The following GALNT2 variants were observed in gnomAD, a reference collection of about 807,000 sequenced individuals.
GALNT2 encodes polypeptide N-acetylgalactosaminyltransferase 2.
Under a neutral mutation model 81.4 loss-of-function variants are expected in GALNT2, and 31 were observed. The observed-to-expected ratio is 0.38, with a 90% CI of 0.29 to 0.51. GALNT2 has a LOEUF of 0.51. Ranked by LOEUF, GALNT2 falls within the 20% of genes least tolerant of loss-of-function variation. The probability of loss-of-function intolerance (pLI) is 0.87; values close to 1 mark genes in which losing one functional copy is unlikely to be tolerated. For missense variants in GALNT2, 629 were observed against 765.7 expected, an observed-to-expected ratio of 0.82 and a Z score of 2.11; for synonymous variants, 303 against 287.4, an observed-to-expected ratio of 1.05 and a Z score of -0.55.
intron 3 of GALNT2, among the ~76,000 whole-genome samples, chr1:230,204,676 T>A (rs1245279216): frequency 2.6e-5 from 4 of 152,194 alleles, no homozygotes; most frequent in Non-Finnish European, 4.4e-5. Context: ...TCTCAGTGAA[T>A]TAGTCTTGTT....
intron 1 of GALNT2, among the ~76,000 whole-genome samples, chr1:230,111,418 A>G (rs925478862): frequency 2.0e-5 from 3 of 152,222 alleles, no homozygotes; most frequent in African/African-American, 7.2e-5. Flanking sequence ...ACAAACACAC[A>G]TGTGTATTTA....
intron 14 of GALNT2, among the ~76,000 whole-genome samples, chr1:230,272,184 A>G (rs1666175632): frequency 6.6e-6 from 1 of 152,192 alleles, no homozygotes; most frequent in Non-Finnish European, 1.5e-5. Flanking sequence ...GTCCTAGAGT[A>G]TGGGTGACGT....
At chr1:230,077,530 G>A (rs867011414) in intron 1 of GALNT2, among the ~76,000 whole-genome samples, 1 of 152,276 alleles carries the variant, frequency 6.6e-6, no homozygotes, top group South Asian at 2.1e-4. Flanking sequence ...CTTATTGAAA[G>A]AGCTCTTTCA....
At chr1:230,136,892 T>G (rs1661566239) in intron 1 of GALNT2, among the ~76,000 whole-genome samples, 1 of 152,178 alleles carries the variant, frequency 6.6e-6, no homozygotes, top group African/African-American at 2.4e-5. Flanking sequence ...TGCATTTTGC[T>G]TTTCCCGCAG....
At chr1:230,118,824 A>G (rs1393345316) in intron 1 of GALNT2, among the ~76,000 whole-genome samples, 2 of 152,150 alleles carry the variant, frequency 1.3e-5, no homozygotes, top group Non-Finnish European at 2.9e-5. Flanking sequence ...CAATTAAAAA[A>G]AGTTATTATA....
At chr1:230,233,562 G>A (rs564478464) in intron 3 of GALNT2, among the ~76,000 whole-genome samples, 22 of 152,256 alleles carry the variant, frequency 1.4e-4, no homozygotes, top group African/African-American at 4.1e-4. Context: ...GCAATGATCC[G>A]AGATTGTGCC....
At chr1:230,146,482 C>T (rs772866285) in intron 1 of GALNT2, among the ~76,000 whole-genome samples, 10 of 152,124 alleles carry the variant, frequency 6.6e-5, no homozygotes, top group Admixed American at 1.3e-4. Context: ...CTTCCTGACC[C>T]GGTTGGAGTG....
intron 1 of GALNT2, among the ~76,000 whole-genome samples, chr1:230,084,046 T>TA (rs1332406608): frequency 1.3e-5 from 2 of 152,208 alleles, no homozygotes; most frequent in African/African-American, 4.8e-5. Context: ...TCCCCCTTTG[T>TA]ATGTCACTTT....
At chr1:230,254,737 A>G (rs535855624) in intron 10 of GALNT2, among the ~76,000 whole-genome samples, 1 of 152,330 alleles carries the variant, frequency 6.6e-6, no homozygotes, top group East Asian at 1.9e-4. Flanking sequence ...ATAAAGCTTA[A>G]TTGTACATAT....
At chr1:230,121,457 T>A (rs1661013197) in intron 1 of GALNT2, among the ~76,000 whole-genome samples, 1 of 152,204 alleles carries the variant, frequency 6.6e-6, no homozygotes, top group Non-Finnish European at 1.5e-5. Flanking sequence ...TCTGTCTCCA[T>A]CCTGGTTGCA....
At chr1:230,221,771 A>G (rs1446597272) in intron 3 of GALNT2, among the ~76,000 whole-genome samples, 3 of 152,096 alleles carry the variant, frequency 2.0e-5, no homozygotes, top group African/African-American at 4.8e-5. Context: ...GAATATTGAC[A>G]TGTGTTCAGT....
intron 1 of GALNT2, among the ~76,000 whole-genome samples, chr1:230,160,152 G>C (rs1334844372): frequency 6.6e-6 from 1 of 152,086 alleles, no homozygotes; most frequent in African/African-American, 2.4e-5. Context: ...CCAACCCATT[G>C]TCTCTGTCAT....
intron 2 of GALNT2, among the ~76,000 whole-genome samples, chr1:230,185,166 A>G (rs747049707): frequency 6.6e-6 from 1 of 152,072 alleles, no homozygotes; most frequent in Non-Finnish European, 1.5e-5. Context: ...AGTCCCTAGC[A>G]TATTAATTAT....
intron 14 of GALNT2, among the ~76,000 whole-genome samples, chr1:230,272,065 C>T (rs370380885): frequency 4.6e-5 from 7 of 152,316 alleles, no homozygotes; most frequent in African/African-American, 1.7e-4. Context: ...AGACCAAACA[C>T]TAGAATGAAA....
At chr1:230,245,102 C>G (rs1665323806) in intron 7 of GALNT2, among the ~76,000 whole-genome samples, 1 of 152,092 alleles carries the variant, frequency 6.6e-6, no homozygotes, top group Non-Finnish European at 1.5e-5. Context: ...TGTTCACAAA[C>G]TCTTACCAGA....
Position 230,111,340 on chromosome 1 carries a change from T to C in GALNT2, c.126+43934T>C, listed in dbSNP as rs541079316. On this transcript the variant is annotated intron_variant, in intron 1 of 15. Coordinates refer to ENST00000366672, the MANE Select transcript of GALNT2 (RefSeq NM_004481.5). ...CACATACATGTTCACACACTGCCCA[T>C]GCACATTTGCATACACATGTGTGCA... Among the ~76,000 whole-genome samples the C allele has an allele frequency of 1.1e-4, 17 of 152,386 alleles. No individual in the cohort carries two copies. In the South Asian group the frequency reaches 2.7e-3, roughly 24 times the overall value.
At chr1:230,242,665 G>T (rs1310006877) in intron 6 of GALNT2, among the ~76,000 whole-genome samples, 1 of 152,084 alleles carries the variant, frequency 6.6e-6, no homozygotes, top group Admixed American at 6.5e-5. Context: ...TAGAACCACA[G>T]GCGCACGCAC....
intron 5 of GALNT2, 31 bp downstream of exon 5, chr1:230,236,451 T>A (rs1317843852): frequency 6.2e-7 from 1 of 1,604,958 alleles, no homozygotes; most frequent in Non-Finnish European, 8.5e-7. Flanking sequence ...TATCCCTGTG[T>A]CTGGCTCTTC....
chr1:230,175,601 G>GTCCTCCTCCTCC (rs112086633), intron 1 of GALNT2, among the ~76,000 whole-genome samples: 2 of 72,818 alleles, frequency 2.7e-5, no homozygotes, highest in Non-Finnish European at 4.9e-5. Flanking sequence ...TCCCCTCCTC[G>GTCCTCCTCCTCC]TCCTCCTCCT....
Sources: gnomAD v4.1 joint callset for allele counts (sites outside exome capture counted in the v4.1 genomes callset) on GRCh38, gnomAD v4.1.1 for gene constraint, MANE v1.5 for transcripts, NCBI Gene and HGNC (gene_info 2026-07-23, HGNC 2026-07-21) for gene names.